The following SOBP variants were observed in gnomAD, a reference collection of about 807,000 sequenced individuals.
SOBP encodes sine oculis-binding protein homolog.
In SOBP, 4 loss-of-function variants were observed where a neutral mutation model predicts 53.6. The ratio of observed to expected loss-of-function variants is 0.07; its 90% CI spans 0.04 to 0.17. The LOEUF (loss-of-function observed/expected upper bound fraction) is 0.17, where lower values mean the gene tolerates loss of function less well. Ranked by LOEUF, SOBP falls within the 10% of genes least tolerant of loss-of-function variation. The pLI is 1.00. For synonymous variants in SOBP, 584 were observed against 522.6 expected (o/e 1.12, Z -1.60); for missense variants, 1,088 against 1,204.7 (o/e 0.90, Z 1.43).
intron 6 of SOBP, among the ~76,000 whole-genome samples, chr6:107,650,869 G>A (rs999796937): frequency 6.6e-6 from 1 of 152,204 alleles, no homozygotes; most frequent in African/African-American, 2.4e-5. Flanking sequence ...ATTAAACTTA[G>A]TGAGGAAGGC....
At chr6:107,591,048 G>A (rs1785729223) in intron 5 of SOBP, among the ~76,000 whole-genome samples, 1 of 152,142 alleles carries the variant, frequency 6.6e-6, no homozygotes, top group African/African-American at 2.4e-5. Flanking sequence ...AAAAATGTGG[G>A]CCCTCAGGTC....
intron 5 of SOBP, among the ~76,000 whole-genome samples, chr6:107,616,086 G>GT (rs1786778967): frequency 1.1e-5 from 1 of 93,078 alleles, no homozygotes; most frequent in African/African-American, 3.9e-5. Flanking sequence ...AAGGGGGGTG[G>GT]GGGGGGGGCG....
At chr6:107,495,703 G>A (rs1177874870) in intron 1 of SOBP, among the ~76,000 whole-genome samples, 1 of 152,074 alleles carries the variant, frequency 6.6e-6, no homozygotes, top group Non-Finnish European at 1.5e-5. Context: ...CCTTAAAAAA[G>A]GGCAAATATT....
At chr6:107,629,824 A>C (rs1315393151) in intron 5 of SOBP, among the ~76,000 whole-genome samples, 2 of 152,218 alleles carry the variant, frequency 1.3e-5, no homozygotes, top group African/African-American at 2.4e-5. Flanking sequence ...GGAAATGTTC[A>C]TTCTGTTGTT....
chr6:107,562,461 C>T (rs958809721), intron 4 of SOBP, among the ~76,000 whole-genome samples: 18 of 152,300 alleles, frequency 1.2e-4, no homozygotes, highest in Middle Eastern at 3.4e-3. Flanking sequence ...CTATGGGCGG[C>T]AGCATATTTC....
chr6:107,534,224 G>A (rs1028320922), intron 4 of SOBP, among the ~76,000 whole-genome samples: 4 of 152,170 alleles, frequency 2.6e-5, no homozygotes, highest in Non-Finnish European at 5.9e-5. Flanking sequence ...GCCATCGTTA[G>A]AATTTTTTTT....
At chr6:107,646,631 T>C (rs1268430530) in intron 6 of SOBP, among the ~76,000 whole-genome samples, 16 of 152,094 alleles carry the variant, frequency 1.1e-4, no homozygotes. Flanking sequence ...TCTCCGGAGA[T>C]TTTCTCAGCA....
chr6:107,614,326 T>G (rs1057125858), intron 5 of SOBP, among the ~76,000 whole-genome samples: 4 of 152,070 alleles, frequency 2.6e-5, no homozygotes, highest in Admixed American at 2.0e-4. Flanking sequence ...TTGAGCCCAG[T>G]AGGTTGAAGC....
intron 5 of SOBP, among the ~76,000 whole-genome samples, chr6:107,603,234 G>A (rs1786250841): frequency 6.6e-6 from 1 of 152,234 alleles, no homozygotes; most frequent in South Asian, 2.1e-4. Context: ...TGGACACTCC[G>A]CTGACACTTG....
At chr6:107,543,532 A>C (rs1784211848) in intron 4 of SOBP, among the ~76,000 whole-genome samples, 1 of 152,132 alleles carries the variant, frequency 6.6e-6, no homozygotes. Context: ...GGTTGAGCTC[A>C]TTTTCCTCTG....
chr6:107,647,438 C>T (rs547821154), intron 6 of SOBP, among the ~76,000 whole-genome samples: 71 of 152,298 alleles, frequency 4.7e-4, no homozygotes, highest in Non-Finnish European at 7.3e-5. Flanking sequence ...CAGTTATCAG[C>T]TCCAATGTAA....
intron 4 of SOBP, 33 bp from the exon 5 acceptor site, chr6:107,587,047 A>C: frequency 6.6e-7 from 1 of 1,520,546 alleles, no homozygotes; most frequent in South Asian, 1.1e-5. Flanking sequence ...ATTATTTGTA[A>C]GTCCCTAAAT....
chr6:107,595,212 G>C (rs1785900207), intron 5 of SOBP, among the ~76,000 whole-genome samples: 1 of 152,172 alleles, frequency 6.6e-6, no homozygotes, highest in African/African-American at 2.4e-5. Context: ...GTGGGGAACA[G>C]AGCCAAGGTA....
At chr6:107,636,893 G>A (rs1771068893) in intron 6 of SOBP, among the ~76,000 whole-genome samples, 1 of 152,192 alleles carries the variant, frequency 6.6e-6, no homozygotes, top group East Asian at 1.9e-4. Flanking sequence ...AGGAAACCAA[G>A]ACAGAGACAT....
At chr6:107,584,222 TAGAA>T (rs544350708) in intron 4 of SOBP, among the ~76,000 whole-genome samples, 6 of 146,204 alleles carry the variant, frequency 4.1e-5, no homozygotes, top group African/African-American at 1.5e-4. Context: ...AGCACAATCT[TAGAA>T]AGGGAGGGGG....
At position 107,587,171 on chromosome 6, in the gene SOBP, T is replaced by C. The variant is rs1292736082; in HGVS notation, c.665T>C (p.Leu222Pro). ...PRLAFKNNCE[L>P]LVCDWCKHIR... is the part of the protein sequence containing the mutation. ...CTTGCCTTCAAGAATAACTGCGAAC[T>C]ACTTGTAAGAATAACATACTTACAA... is the stretch of plus-strand genomic sequence containing the variant. Residue 222 changes from leucine to proline, a missense_variant, in exon 5 of 7, where the codon CTA becomes CCA. Leu to Pro is a moderately conservative substitution (Grantham distance 98). Coordinates refer to ENST00000317357, the MANE Select transcript of SOBP (RefSeq NM_018013.4). 22 of 1,612,300 alleles carry C rather than the reference T, an allele frequency of 1.4e-5. 3 individuals are homozygous for C. In the South Asian group the frequency reaches 2.4e-4, roughly 18 times the overall value.
chr6:107,566,436 G>T (rs957983838), intron 4 of SOBP, among the ~76,000 whole-genome samples: 1 of 152,260 alleles, frequency 6.6e-6, no homozygotes, highest in Non-Finnish European at 1.5e-5. Context: ...AGGGAAGGGA[G>T]TAGAGTGAAG....
intron 5 of SOBP, among the ~76,000 whole-genome samples, chr6:107,602,420 A>G (rs9486656): frequency 6.6e-6 from 1 of 152,254 alleles, no homozygotes; most frequent in African/African-American, 2.4e-5. Flanking sequence ...AGCTTCCTTC[A>G]ATCTCCTGAT....
intron 4 of SOBP, among the ~76,000 whole-genome samples, chr6:107,575,389 G>T (rs944167950): frequency 1.3e-5 from 2 of 152,160 alleles, no homozygotes; most frequent in Admixed American, 6.5e-5. Context: ...GAGTTGGAAG[G>T]TTCTGGAATT....
Sources: gnomAD v4.1 joint callset for allele counts (sites outside exome capture counted in the v4.1 genomes callset) on GRCh38, gnomAD v4.1.1 for gene constraint, MANE v1.5 for transcripts, NCBI Gene and HGNC (gene_info 2026-07-23, HGNC 2026-07-21) for gene names.